The following MED9 variants were observed in gnomAD, a reference collection of about 807,000 sequenced individuals.
The protein encoded by MED9 is mediator complex subunit 9, also known as mediator of RNA polymerase II transcription subunit 9.
In MED9, 8 loss-of-function variants were observed where a neutral mutation model predicts 13.2. The observed-to-expected ratio is 0.61, with a 90% CI of 0.36 to 1.10. The LOEUF (loss-of-function observed/expected upper bound fraction) is 1.10. Ranked by LOEUF, MED9 falls within the 50% of genes least tolerant of loss-of-function variation. The pLI is 0.02. For synonymous variants in MED9, 87 were observed against 82.8 expected, an observed-to-expected ratio of 1.05 and a Z score of -0.28; for missense variants, 180 against 193.4, an observed-to-expected ratio of 0.93 and a Z score of 0.41.
At chr17:17,481,564 T>A (rs1465612069) in intron 1 of MED9, among the ~76,000 whole-genome samples, 1 of 152,188 alleles carries the variant, frequency 6.6e-6, no homozygotes, top group Non-Finnish European at 1.5e-5. Context: ...CAAATTGAGA[T>A]CACGTCGTAC....
At position 17,477,454 on chromosome 17, in the gene MED9, G is replaced by C. The variant is rs557985846; in HGVS notation, c.224+189G>C. On this transcript the variant is annotated intron_variant, in intron 1 of 1. Coordinates refer to ENST00000268711, the MANE Select transcript of MED9 (RefSeq NM_018019.3). ...ATTCCATGAGTTAAGCAAACGATTT[G>C]AGCCTCGAGAGGTGCGATATCCTTA... The C allele has an allele frequency of 2.3e-5, 14 of 605,960 alleles. No homozygotes were observed. The African/African-American group carries it at 2.5e-4, about 11-fold the overall frequency. The allele number at this position is 605,960 out of a possible 1,614,324, so 37.5% of individuals were successfully genotyped here.
At chr17:17,484,356 G>A (rs931623654) in intron 1 of MED9, among the ~76,000 whole-genome samples, 2 of 152,252 alleles carry the variant, frequency 1.3e-5, no homozygotes, top group South Asian at 4.1e-4. Context: ...CAAGTGATGA[G>A]CACGCTGTCT....
intron 1 of MED9, among the ~76,000 whole-genome samples, chr17:17,478,614 C>T (rs1028366994): frequency 6.6e-6 from 1 of 152,168 alleles, no homozygotes; most frequent in African/African-American, 2.4e-5. Flanking sequence ...AATCCCAGCA[C>T]TTTGGGAGGC....
rs1431380567 is a variant in MED9 at position 17,493,051 on chromosome 17, T to C, written c.*1556T>C. On this transcript the variant is annotated 3_prime_UTR_variant, in exon 2 of 2. Transcript: ENST00000268711. Reference sequence around the variant, plus strand: ...AGGCTCTGACAGATACCACGAAACATGAAGCACGTGGAACTACAAGACCCC... The same window carrying C: ...AGGCTCTGACAGATACCACGAAACACGAAGCACGTGGAACTACAAGACCCC... 6.6e-6 allele frequency: 1 copy of C among 152,160 alleles called. No individual in the cohort carries two copies. Among genetic ancestry groups the C allele is most frequent in the Non-Finnish European group, 1.5e-5 (1 of 68,004 alleles). The allele number at this position is 152,160 out of a possible 1,614,324, so 9.4% of individuals were successfully genotyped here.
intron 1 of MED9, chr17:17,485,306 C>A: frequency 5.0e-6 from 2 of 398,342 alleles, no homozygotes; most frequent in Non-Finnish European, 8.8e-6. Context: ...TTAGTAGAGA[C>A]GGGGCTGGCC....
At chr17:17,482,368 A>C (rs141603652) in intron 1 of MED9, among the ~76,000 whole-genome samples, 6 of 152,202 alleles carry the variant, frequency 3.9e-5, no homozygotes, top group Non-Finnish European at 4.4e-5. Context: ...AACTTTGGCA[A>C]ATCTCATAGG....
chr17:17,488,831 CAAAAAAAA>C (rs532899008), intron 1 of MED9, among the ~76,000 whole-genome samples: 6 of 137,436 alleles, frequency 4.4e-5, no homozygotes, highest in African/African-American at 7.8e-5. Context: ...AACTCTGTCT[CAAAAAAAA>C]AAAAGAAAAA....
chr17:17,485,760 G>C (rs1905117615), intron 1 of MED9: 1 of 167,168 alleles, frequency 6.0e-6, no homozygotes, highest in Admixed American at 6.4e-5. Flanking sequence ...TCCCCGTGTC[G>C]AGGGTTCGGG....
At chr17:17,485,187 A>G (rs1905105131) in intron 1 of MED9, 2 of 368,682 alleles carry the variant, frequency 5.4e-6, no homozygotes, top group Non-Finnish European at 9.6e-6. Flanking sequence ...GTAAAAAACA[A>G]AACAAAAAAA....
In MED9 at chr17:17,477,109, C is replaced by T; in HGVS notation, c.68C>T (p.Pro23Leu). Residue 23 changes from proline to leucine, a missense_variant, in exon 1 of 2, where the codon CCG (proline) becomes CTG (leucine). By Grantham distance (98) the Pro-to-Leu change is moderately conservative. Transcript: ENST00000268711. ...GTATTGCCGCCAACGTCCGACCAGCCGCTGCCTGACACCAAGCCGCTGCCG... is the reference window on the plus strand; with the variant it reads ...GTATTGCCGCCAACGTCCGACCAGCTGCTGCCTGACACCAAGCCGCTGCCG... ...EDVLPPTSDQ[P>L]LPDTKPLPPP... 1 of 1,607,102 alleles carries T rather than the reference C, an allele frequency of 6.2e-7. No homozygotes were observed. The highest frequency in any genetic ancestry group is 8.5e-7 in the Non-Finnish European group (1 of 1,178,786).
intron 1 of MED9, chr17:17,488,086 A>G (rs8072818): frequency 6.6e-6 from 1 of 152,116 alleles, no homozygotes; most frequent in Non-Finnish European, 1.5e-5. Flanking sequence ...GTCATTTTTT[A>G]AAAAAGTGAT....
Position 17,483,726 on chromosome 17 carries a change from C to T in MED9, c.224+6461C>T, listed in dbSNP as rs941884166. On this transcript the variant is annotated intron_variant, in intron 1 of 1. Coordinates refer to ENST00000268711, the MANE Select transcript of MED9 (RefSeq NM_018019.3). This position sits in a 1 kb window ranked among gnomAD's most constrained non-coding sequence, Gnocchi z 4.2. ...GGCCGAGGCGGGTGGATCACGAGGT[C>T]AGGAGATCGAGACCATCCTGGCCAA... Among the ~76,000 whole-genome samples, 5 of 152,080 alleles carry T rather than the reference C, an allele frequency of 3.3e-5. No homozygotes were observed. Among genetic ancestry groups the T allele is most frequent in the Non-Finnish European group, 7.4e-5 (5 of 68,022 alleles).
In MED9 at chr17:17,491,842, G is replaced by C; in HGVS notation, c.*347G>C. 1 of 348,542 alleles carries C rather than the reference G, an allele frequency of 2.9e-6. No individual in the cohort carries two copies. The highest frequency in any genetic ancestry group is 5.5e-6 in the Non-Finnish European group (1 of 181,672). 21.6% of individuals were successfully genotyped at this position (348,542 alleles called of 1,614,324 possible). A position where few individuals can be genotyped will look rare whatever the true frequency, so the allele number is the denominator to read the frequency against. ...TGCGCCCGGCCCCACTGACAGATCT[G>C]AAGAGCACAGTAGGAAGGGAGGCGG... On this transcript the variant is annotated 3_prime_UTR_variant, in exon 2 of 2. Coordinates refer to ENST00000268711, the MANE Select transcript of MED9 (RefSeq NM_018019.3).
intron 1 of MED9, chr17:17,486,592 C>T (rs113873295): frequency 0.069 from 10,783 of 156,094 alleles, 745 homozygotes; most frequent in African/African-American, 0.18. Context: ...CCTTCCCGCG[C>T]AGCAGGGCTC....
At chr17:17,477,532 T>C (rs950414223) in intron 1 of MED9, 2 of 459,164 alleles carry the variant, frequency 4.4e-6, no homozygotes, top group Admixed American at 3.9e-5. Flanking sequence ...GCGGCTCAAA[T>C]GTTCATCCCA....
chr17:17,490,543 C>T (rs1905210650), intron 1 of MED9, among the ~76,000 whole-genome samples: 1 of 152,200 alleles, frequency 6.6e-6, no homozygotes, highest in Admixed American at 6.5e-5. Context: ...CTCTGTGCAG[C>T]TAATAGCTGT....
At chr17:17,484,972 T>A (rs964383600) in intron 1 of MED9, 1 of 155,642 alleles carries the variant, frequency 6.4e-6, no homozygotes, top group Admixed American at 6.5e-5. Flanking sequence ...TGAAAGGTGT[T>A]ATCTGTGGGT....
chr17:17,481,221 G>A (rs1905029300), intron 1 of MED9, among the ~76,000 whole-genome samples: 1 of 152,112 alleles, frequency 6.6e-6, no homozygotes. Flanking sequence ...GACCATGTCC[G>A]GTCCACCCAG....
chr17:17,485,663 C>T, intron 1 of MED9: 1 of 240,862 alleles, frequency 4.2e-6, no homozygotes, highest in Non-Finnish European at 7.9e-6. Context: ...GGATATTTGC[C>T]ATCTGCCAGA....
Sources: allele counts gnomAD v4.1 joint callset (sites outside exome capture counted in the v4.1 genomes callset), GRCh38; gene constraint gnomAD v4.1.1; non-coding constraint Gnocchi (gnomAD v3.1); transcripts MANE v1.5; gene names NCBI Gene and HGNC (gene_info 2026-07-23, HGNC 2026-07-21).